Variants in TMEM178A observed in about 807,000 individuals in gnomAD.
The protein encoded by TMEM178A is transmembrane protein 178A.
A neutral mutation model predicts 29.1 loss-of-function variants in TMEM178A; 12 were observed. That is an observed-to-expected ratio of 0.41 (90% CI 0.26 to 0.67). The LOEUF (loss-of-function observed/expected upper bound fraction) is 0.67, where lower values mean the gene tolerates loss of function less well. Ranked by LOEUF, TMEM178A falls within the 30% of genes least tolerant of loss-of-function variation. The pLI, the probability that TMEM178A is intolerant of heterozygous loss-of-function variation, is 0.29. For missense variants in TMEM178A, 366 were observed against 419.1 expected, an observed-to-expected ratio of 0.87 and a Z score of 1.11; for synonymous variants, 210 against 187.2, an observed-to-expected ratio of 1.12 and a Z score of -0.99.
intron 3 of TMEM178A, among the ~76,000 whole-genome samples, chr2:39,712,264 T>C (rs1202095236): frequency 6.6e-6 from 1 of 152,108 alleles, no homozygotes; most frequent in Non-Finnish European, 1.5e-5. Context: ...TTGGGTGTTG[T>C]AGTTACATTA....
chr2:39,704,259 C>A, intron 2 of TMEM178A, 65 bp downstream of exon 2: 1 of 1,330,064 alleles, frequency 7.5e-7, no homozygotes, highest in Non-Finnish European at 1.1e-6. Context: ...TCCCACCACC[C>A]CTCTCACATC....
intron 3 of TMEM178A, among the ~76,000 whole-genome samples, chr2:39,708,486 T>C (rs1215381877): frequency 7.3e-6 from 1 of 137,262 alleles, no homozygotes; most frequent in Non-Finnish European, 1.5e-5. Flanking sequence ...TGGCGCGATC[T>C]CGACTCACTG....
chr2:39,687,973 C>A (rs897700300), intron 1 of TMEM178A, among the ~76,000 whole-genome samples: 2 of 152,172 alleles, frequency 1.3e-5, no homozygotes, highest in African/African-American at 2.4e-5. Flanking sequence ...CTTCTCTCAG[C>A]CTCAATTTCC....
At chr2:39,719,545 G>A (rs926691274), downstream of TMEM178A, among the ~76,000 whole-genome samples, 2 of 152,204 alleles carry the variant, frequency 1.3e-5, no homozygotes, top group Non-Finnish European at 2.9e-5. Flanking sequence ...TTACTGTCAC[G>A]CAAGTGTGGG....
At chr2:39,688,603 G>A (rs1322266033) in intron 1 of TMEM178A, among the ~76,000 whole-genome samples, 1 of 152,224 alleles carries the variant, frequency 6.6e-6, no homozygotes, top group Non-Finnish European at 1.5e-5. Context: ...GTACTAACCA[G>A]GCTATCTAAC....
intron 3 of TMEM178A, among the ~76,000 whole-genome samples, chr2:39,714,331 A>G (rs1672440170): frequency 6.6e-6 from 1 of 152,028 alleles, no homozygotes; most frequent in Admixed American, 6.5e-5. Flanking sequence ...AGTCTGCATC[A>G]AAGTTTGATG....
At chr2:39,734,221 G>T in the TMEM178A span, among the ~76,000 whole-genome samples, 3 of 152,178 alleles carry the variant, frequency 2.0e-5, no homozygotes, top group Non-Finnish European at 4.4e-5. Flanking sequence ...GGTCATGAAT[G>T]ACTCCCTCAC....
intron 1 of TMEM178A, among the ~76,000 whole-genome samples, chr2:39,694,262 T>C (rs1671448974): frequency 6.6e-6 from 1 of 152,054 alleles, no homozygotes; most frequent in Admixed American, 6.6e-5. Context: ...TCATTGTCTA[T>C]GTATTGGTGC....
At chr2:39,685,772 G>A (rs1398794523) in intron 1 of TMEM178A, among the ~76,000 whole-genome samples, 1 of 152,198 alleles carries the variant, frequency 6.6e-6, no homozygotes, top group East Asian at 1.9e-4. Context: ...TCTGCTGCAG[G>A]TAGAAAGCTA....
At chr2:39,716,578 T>G (rs560001322) in intron 3 of TMEM178A, among the ~76,000 whole-genome samples, 4 of 152,250 alleles carry the variant, frequency 2.6e-5, no homozygotes, top group African/African-American at 9.6e-5. Flanking sequence ...AGATGTTGTA[T>G]AACGATTACA....
the TMEM178A span, among the ~76,000 whole-genome samples, chr2:39,729,843 C>G: frequency 1.3e-5 from 2 of 152,162 alleles, no homozygotes; most frequent in Non-Finnish European, 2.9e-5. Context: ...GGGTTGCATC[C>G]TATACAGGTC....
At chr2:39,670,083 A>G (rs1371238990) in intron 1 of TMEM178A, among the ~76,000 whole-genome samples, 1 of 152,186 alleles carries the variant, frequency 6.6e-6, no homozygotes, top group Non-Finnish European at 1.5e-5. Flanking sequence ...AAAGTATGCA[A>G]ATGAAATCAG....
chr2:39,673,276 G>A (rs943039966), intron 1 of TMEM178A, among the ~76,000 whole-genome samples: 2 of 152,152 alleles, frequency 1.3e-5, no homozygotes, highest in African/African-American at 4.8e-5. Context: ...TTGCAACTCC[G>A]CCAGATAGCT....
chr2:39,720,814 C>T (rs538670492), downstream of TMEM178A, among the ~76,000 whole-genome samples: 7 of 152,108 alleles, frequency 4.6e-5, no homozygotes, highest in South Asian at 2.1e-4. Context: ...AATGTACAGT[C>T]GTGTGATGAG....
intron 1 of TMEM178A, among the ~76,000 whole-genome samples, chr2:39,698,407 T>G (rs1014012429): frequency 2.6e-5 from 4 of 152,252 alleles, no homozygotes; most frequent in Non-Finnish European, 5.9e-5. Flanking sequence ...TCTGCATCTT[T>G]GAGATGATCA....
intron 1 of TMEM178A, among the ~76,000 whole-genome samples, chr2:39,695,816 C>T (rs1671515832): frequency 2.0e-5 from 3 of 152,086 alleles, no homozygotes; most frequent in Non-Finnish European, 4.4e-5. Flanking sequence ...GTGATTTTCG[C>T]ATCTTCTGTT....
intron 1 of TMEM178A, among the ~76,000 whole-genome samples, chr2:39,666,666 C>A (rs951575845): frequency 6.6e-6 from 1 of 152,188 alleles, no homozygotes; most frequent in African/African-American, 2.4e-5. Flanking sequence ...GCCTCCCATT[C>A]CCCGGTTCTC....
At chr2:39,676,841 A>C (rs934754276) in intron 1 of TMEM178A, among the ~76,000 whole-genome samples, 16 of 152,144 alleles carry the variant, frequency 1.1e-4, no homozygotes, top group Non-Finnish European at 1.3e-4. Flanking sequence ...CAGCTTTTCC[A>C]GATCTACCAC....
At chr2:39,708,330 T>A (rs1438832117) in intron 3 of TMEM178A, among the ~76,000 whole-genome samples, 2 of 150,850 alleles carry the variant, frequency 1.3e-5, no homozygotes, top group Middle Eastern at 3.2e-3. Flanking sequence ...CAGGGTTTTG[T>A]TGGTCATGGT....
Sources: gnomAD v4.1 joint callset for allele counts (sites outside exome capture counted in the v4.1 genomes callset) on GRCh38, gnomAD v4.1.1 for gene constraint, MANE v1.5 for transcripts, NCBI Gene and HGNC (gene_info 2026-07-23, HGNC 2026-07-21) for gene names.